The following MAML3 variants were observed in gnomAD, a reference collection of about 807,000 sequenced individuals.
MAML3 encodes mastermind-like protein 3.
In MAML3, 27 loss-of-function variants were observed where a neutral mutation model predicts 101.9. The observed-to-expected ratio is 0.27, with a 90% CI of 0.20 to 0.37. The LOEUF is 0.37. Ranked by LOEUF, MAML3 falls within the 10% of genes least tolerant of loss-of-function variation. MAML3 has a pLI of 1.00. For synonymous variants in MAML3, 501 were observed against 555.9 expected, an observed-to-expected ratio of 0.90 and a Z score of 1.39; for missense variants, 1,316 against 1,444.9, an observed-to-expected ratio of 0.91 and a Z score of 1.45.
chr4:140,065,585 A>G (rs559674569), intron 1 of MAML3, among the ~76,000 whole-genome samples: 50 of 152,270 alleles, frequency 3.3e-4, no homozygotes, highest in African/African-American at 1.1e-3. Flanking sequence ...TTGTCAGACT[A>G]GCAAGGCTAG....
At chr4:139,727,926 T>C (rs546690748) in intron 3 of MAML3, among the ~76,000 whole-genome samples, 53 of 152,188 alleles carry the variant, frequency 3.5e-4, no homozygotes, top group African/African-American at 1.3e-3. Flanking sequence ...AACGAAAAAC[T>C]GAGAGCTGGC....
intron 1 of MAML3, among the ~76,000 whole-genome samples, chr4:139,907,150 A>C (rs997541421): frequency 6.6e-6 from 1 of 152,238 alleles, no homozygotes; most frequent in Admixed American, 6.5e-5. Flanking sequence ...AGAAAATGTC[A>C]GGAACTTGAA....
In MAML3 at chr4:139,929,659, C is replaced by G. The variant is rs111515341; in HGVS notation, c.469-38692G>C. Among the ~76,000 whole-genome samples the G allele has an allele frequency of 1.5e-3, 227 of 152,288 alleles. 1 individual carries two copies. The highest frequency in any genetic ancestry group is 5.2e-3 in the African/African-American group (216 of 41,552). On this transcript the variant is annotated intron_variant, in intron 1 of 4. Transcript: ENST00000509479. ...ACGTATGGGCAGAGGCTGTGCTTGCCGGAGACTATCTGTCTTTCAGGCTCA... is the reference window on the plus strand; with the variant it reads ...ACGTATGGGCAGAGGCTGTGCTTGCGGGAGACTATCTGTCTTTCAGGCTCA...
chr4:139,726,976 G>A (rs1042330706), intron 3 of MAML3, among the ~76,000 whole-genome samples: 1 of 152,192 alleles, frequency 6.6e-6, no homozygotes, highest in East Asian at 1.9e-4. Context: ...TGCAGCTGCT[G>A]AATATTCATT....
chr4:139,749,646 A>G (rs1423034698), intron 2 of MAML3, among the ~76,000 whole-genome samples: 3 of 152,224 alleles, frequency 2.0e-5, no homozygotes, highest in Non-Finnish European at 4.4e-5. Flanking sequence ...TGTGTTGCAC[A>G]ATTTGCATGA....
chr4:139,795,369 T>C (rs947174675), intron 2 of MAML3, among the ~76,000 whole-genome samples: 2 of 152,222 alleles, frequency 1.3e-5, no homozygotes, highest in Non-Finnish European at 2.9e-5. Context: ...TTGAATTCAA[T>C]TGAGTGGTTC....
intron 1 of MAML3, among the ~76,000 whole-genome samples, chr4:140,129,622 C>T (rs376536606): frequency 6.6e-6 from 1 of 152,132 alleles, no homozygotes; most frequent in African/African-American, 2.4e-5. Flanking sequence ...CAGGCTGCTG[C>T]GCAATCCATA....
chr4:139,954,313 G>C (rs1463447093), intron 1 of MAML3, among the ~76,000 whole-genome samples: 1 of 152,192 alleles, frequency 6.6e-6, no homozygotes, highest in African/African-American at 2.4e-5. Context: ...ACTATTGTTA[G>C]CTTGTGCTTT....
chr4:139,933,396 C>T (rs1402747582), intron 1 of MAML3, among the ~76,000 whole-genome samples: 4 of 152,132 alleles, frequency 2.6e-5, no homozygotes, highest in South Asian at 4.1e-4. Context: ...TGTCAAGAGA[C>T]GAAAACACCC....
chr4:139,814,671 C>T (rs1353359284), intron 2 of MAML3, among the ~76,000 whole-genome samples: 1 of 152,094 alleles, frequency 6.6e-6, no homozygotes, highest in East Asian at 1.9e-4. Flanking sequence ...TAACACCCTC[C>T]CCCCACCACC....
chr4:139,747,828 C>T (rs909712060), intron 2 of MAML3, among the ~76,000 whole-genome samples: 3 of 151,602 alleles, frequency 2.0e-5, no homozygotes, highest in Non-Finnish European at 2.9e-5. Flanking sequence ...CCAAGGTGGG[C>T]GGATCACCTG....
chr4:139,952,687 G>A (rs1329152693), intron 1 of MAML3, among the ~76,000 whole-genome samples: 4 of 152,170 alleles, frequency 2.6e-5, no homozygotes, highest in Admixed American at 2.0e-4. Flanking sequence ...GCCCAGCCAA[G>A]GACTGCATTT....
chr4:139,961,836 G>A (rs573070863), intron 1 of MAML3, among the ~76,000 whole-genome samples: 4 of 152,166 alleles, frequency 2.6e-5, no homozygotes, highest in South Asian at 2.1e-4. Context: ...ACACAAAGCC[G>A]GGCACGGTGG....
In MAML3 at chr4:140,071,755, T is replaced by TAGAGAGAGAGAGAGAGAGAGAG. The variant is rs11268401; in HGVS notation, c.468+81083_468+81104dup. ...CTTATAATTTTACAGGGACCAGGAT[T>TAGAGAGAGAGAGAGAGAGAGAG]AGAGAGAGAGAGAGAGAGAGAGAGA... is the stretch of plus-strand genomic sequence containing the variant. On this transcript the variant is annotated intron_variant, in intron 1 of 4. Transcript: ENST00000509479. 2.8e-4 allele frequency among the ~76,000 whole-genome samples: 39 copies of TAGAGAGAGAGAGAGAGAGAGAG among 137,352 alleles called. 1 individual carries two copies. Among genetic ancestry groups the TAGAGAGAGAGAGAGAGAGAGAG allele is most frequent in the East Asian group, 9.0e-4 (4 of 4,424 alleles). 90.1% of individuals were successfully genotyped at this position (137,352 alleles called of 152,430 possible).
chr4:140,069,420 GGGA>G (rs1271395865), intron 1 of MAML3, among the ~76,000 whole-genome samples: 3,329 of 26,196 alleles, frequency 0.13, 353 homozygotes, highest in Middle Eastern at 0.2. Context: ...GGAGGAGGAG[GGGA>G]AGGAGGAGAA....
chr4:139,762,358 T>C (rs1729774410), intron 2 of MAML3, among the ~76,000 whole-genome samples: 1 of 152,182 alleles, frequency 6.6e-6, no homozygotes, highest in Non-Finnish European at 1.5e-5. Context: ...TTAGAGCACT[T>C]GGCCCTAGCA....
intron 1 of MAML3, among the ~76,000 whole-genome samples, chr4:140,074,215 A>AAGAAAGAGAGAGAGAGAGAGAAAGAAAG (rs1560885528): frequency 1.4e-3 from 149 of 107,258 alleles, no homozygotes; most frequent in Admixed American, 3.0e-3. Context: ...GAAAGAAAGA[A>AAGAAAGAGAGAGAGAGAGAGAAAGAAAG]AGAAAGAAAG....
intron 2 of MAML3, among the ~76,000 whole-genome samples, chr4:139,747,557 G>A (rs2111034247): frequency 6.6e-6 from 1 of 152,160 alleles, no homozygotes; most frequent in Admixed American, 6.5e-5. Context: ...AGCCGGCTGT[G>A]GTGGTGTGTG....
chr4:139,749,888 C>G (rs199539267), intron 2 of MAML3, among the ~76,000 whole-genome samples: 2 of 107,526 alleles, frequency 1.9e-5, no homozygotes, highest in South Asian at 2.8e-4. Flanking sequence ...AATAAGAACC[C>G]CCCCCCACCC....
Sources: gnomAD v4.1 joint callset for allele counts (sites outside exome capture counted in the v4.1 genomes callset) on GRCh38, gnomAD v4.1.1 for gene constraint, MANE v1.5 for transcripts, NCBI Gene and HGNC (gene_info 2026-07-23, HGNC 2026-07-21) for gene names.